The following BCAR3 variants were observed in gnomAD, a reference collection of about 807,000 sequenced individuals.
The protein encoded by BCAR3 is BCAR3 adaptor protein, NSP family member.
Under a neutral mutation model 80.1 loss-of-function variants are expected in BCAR3, and 37 were observed. The ratio of observed to expected loss-of-function variants is 0.46; its 90% CI spans 0.36 to 0.61. The LOEUF (loss-of-function observed/expected upper bound fraction) is 0.61. Among genes scored for constraint, BCAR3 ranks in the 20% least tolerant of loss-of-function variants. The pLI is 0.00. For synonymous variants in BCAR3, 389 were observed against 418.9 expected, an observed-to-expected ratio of 0.93 and a Z score of 0.87; for missense variants, 978 against 1,068.2, an observed-to-expected ratio of 0.92 and a Z score of 1.18.
rs111499657 is a variant in BCAR3 at position 93,760,648 on chromosome 1, A to G, written c.-62-54506T>C. Among the ~76,000 whole-genome samples the G allele has an allele frequency of 9.1e-4, 139 of 152,114 alleles. 3 individuals are homozygous for G. The highest frequency in any genetic ancestry group is 3.2e-3 in the African/African-American group (134 of 41,492). The stretch of plus-strand genomic sequence containing the variant: ...GAAGGAATGTATTAGCCATGTCACT[A>G]GGAAGTGTAAGGAAACTTCTTGCTG... On this transcript the variant is annotated intron_variant, in intron 2 of 13. Coordinates refer to the BCAR3 transcript ENST00000370244.
In BCAR3 at chr1:93,641,233, T is replaced by C. The variant is rs115192482; in HGVS notation, c.357+1071A>G. On this transcript the variant is annotated intron_variant, in intron 3 of 11. Coordinates refer to ENST00000260502, the MANE Select transcript of BCAR3 (RefSeq NM_003567.4). ...GCCCCAAGTGGCCAAGTGGTTCTACTGGAGCTTCCTCCTCTTCCGTCCATC... is the reference window on the plus strand; with the variant it reads ...GCCCCAAGTGGCCAAGTGGTTCTACCGGAGCTTCCTCCTCTTCCGTCCATC... 9.3e-3 allele frequency among the ~76,000 whole-genome samples: 1,409 copies of C among 152,322 alleles called. 11 individuals carry two copies. Among genetic ancestry groups the C allele is most frequent in the Non-Finnish European group, 0.015 (1,026 of 68,026 alleles).
chr1:93,717,218 C>A (rs1650219195), intron 2 of BCAR3, among the ~76,000 whole-genome samples: 1 of 152,204 alleles, frequency 6.6e-6, no homozygotes. Context: ...ATCAACCAGT[C>A]CCCAGCCAAC....
chr1:93,674,487 T>C (rs974698615), intron 2 of BCAR3, 127 bp downstream of exon 2: 2 of 1,037,626 alleles, frequency 1.9e-6, no homozygotes, highest in Non-Finnish European at 1.4e-6. Flanking sequence ...CCTAACCTCA[T>C]GATCCACCCA....
At chr1:93,644,946 C>T (rs955222765) in intron 2 of BCAR3, among the ~76,000 whole-genome samples, 3 of 152,196 alleles carry the variant, frequency 2.0e-5, no homozygotes, top group African/African-American at 7.2e-5. Flanking sequence ...TAAAGGGTCT[C>T]CTCTATTGCT....
intron 3 of BCAR3, among the ~76,000 whole-genome samples, chr1:93,616,461 C>T (rs1675131293): frequency 1.3e-5 from 2 of 152,176 alleles, no homozygotes; most frequent in Non-Finnish European, 2.9e-5. Flanking sequence ...ATCAATTCCT[C>T]CCATTCTCCC....
chr1:93,678,832 A>G (rs950100243), intron 1 of BCAR3, among the ~76,000 whole-genome samples: 4 of 152,168 alleles, frequency 2.6e-5, no homozygotes, highest in Non-Finnish European at 5.9e-5. Flanking sequence ...GTTCCAGGCA[A>G]GGGATCTGGC....
intron 2 of BCAR3, among the ~76,000 whole-genome samples, chr1:93,733,593 G>A (rs570203918): frequency 6.6e-6 from 1 of 152,322 alleles, no homozygotes; most frequent in South Asian, 2.1e-4. Context: ...CCAGACAAAA[G>A]GCACAGTGTA....
chr1:93,709,866 A>C (rs369244922), intron 2 of BCAR3, among the ~76,000 whole-genome samples: 5 of 152,172 alleles, frequency 3.3e-5, no homozygotes, highest in Non-Finnish European at 7.3e-5. Context: ...TTGATGGATC[A>C]TCATGTAATT....
intron 2 of BCAR3, among the ~76,000 whole-genome samples, chr1:93,741,240 T>G (rs942007743): frequency 1.3e-5 from 2 of 152,218 alleles, no homozygotes; most frequent in African/African-American, 4.8e-5. Flanking sequence ...ACTTTTATAC[T>G]GGCTTGCAAC....
intron 1 of BCAR3, chr1:93,846,797 GGCAAGACGAGCT>G (rs749146246): frequency 2.2e-6 from 1 of 457,266 alleles, no homozygotes; most frequent in South Asian, 1.6e-5. Context: ...AGGTGCTGGC[GGCAAGACGAGCT>G]CTCGGAGGAT....
At chr1:93,694,562 A>G (rs1352471424) in intron 3 of BCAR3, among the ~76,000 whole-genome samples, 1 of 151,956 alleles carries the variant, frequency 6.6e-6, no homozygotes, top group Admixed American at 6.6e-5. Context: ...ATTCTTCTCT[A>G]TAGTCCCCTT....
intron 2 of BCAR3, among the ~76,000 whole-genome samples, chr1:93,747,656 A>G (rs1165814185): frequency 6.6e-6 from 1 of 151,528 alleles, no homozygotes; most frequent in African/African-American, 2.4e-5. Context: ...ATTCCATATA[A>G]TTTGAGCTGC....
chr1:93,837,990 G>A (rs1654828241), intron 2 of BCAR3, among the ~76,000 whole-genome samples: 1 of 152,204 alleles, frequency 6.6e-6, no homozygotes. Context: ...AGTATCTACA[G>A]GGTCTTTCCA....
Position 93,567,342 on chromosome 1 carries a change from T to C in BCAR3, c.2236A>G (p.Thr746Ala). The C allele has an allele frequency of 6.2e-7, 1 of 1,614,222 alleles. No homozygotes were observed. Among genetic ancestry groups the C allele is most frequent in the Non-Finnish European group, 8.5e-7 (1 of 1,180,038 alleles). Reference sequence around the variant, plus strand: ...GCAGCCTCGGCCATGAATCGCGCTGTTGCCAAATGGTTCAGCATGATTTCA... The same window carrying C: ...GCAGCCTCGGCCATGAATCGCGCTGCTGCCAAATGGTTCAGCATGATTTCA... ...SCEIMLNHLA[T>A]ARFMAEAADS... Residue 746 changes from threonine (T) to alanine (A), a missense_variant, in exon 11 of 12, where the codon ACA becomes GCA. Coordinates refer to ENST00000260502, the MANE Select transcript of BCAR3 (RefSeq NM_003567.4).
intron 2 of BCAR3, among the ~76,000 whole-genome samples, chr1:93,746,686 C>T (rs74101687): frequency 0.12 from 17,839 of 152,156 alleles, 1,471 homozygotes; most frequent in African/African-American, 0.22. Context: ...TCCTTAGTTT[C>T]GACTTTCTCT....
chr1:93,767,439 A>C (rs547219176), intron 2 of BCAR3, among the ~76,000 whole-genome samples: 10 of 151,744 alleles, frequency 6.6e-5, no homozygotes, highest in Non-Finnish European at 1.3e-4. Context: ...TGGGAGGATC[A>C]CTTGAGCCTG....
intron 2 of BCAR3, among the ~76,000 whole-genome samples, chr1:93,812,497 C>A (rs1261663033): frequency 6.6e-6 from 1 of 152,224 alleles, no homozygotes; most frequent in Non-Finnish European, 1.5e-5. Context: ...TGCCTTTCTG[C>A]CCACCATTTC....
chr1:93,816,585 C>T (rs1022637187), intron 2 of BCAR3, among the ~76,000 whole-genome samples: 7 of 141,838 alleles, frequency 4.9e-5, no homozygotes, highest in East Asian at 2.2e-4. Flanking sequence ...GCAGGAGAAT[C>T]GCTTGAACCC....
At chr1:93,638,917 T>C (rs1675890029) in intron 3 of BCAR3, among the ~76,000 whole-genome samples, 1 of 152,206 alleles carries the variant, frequency 6.6e-6, no homozygotes, top group African/African-American at 2.4e-5. Flanking sequence ...AATTCTCTCC[T>C]GTAAGTGCCA....
Sources: allele counts gnomAD v4.1 joint callset (sites outside exome capture counted in the v4.1 genomes callset), GRCh38; gene constraint gnomAD v4.1.1; transcripts MANE v1.5; gene names NCBI Gene and HGNC (gene_info 2026-07-23, HGNC 2026-07-21).